The following GRID1 variants were observed in gnomAD, a reference collection of about 807,000 sequenced individuals.
The protein encoded by GRID1 is glutamate ionotropic receptor delta type subunit 1.
In GRID1, 28 loss-of-function variants were observed where a neutral mutation model predicts 98.0. That is an observed-to-expected ratio of 0.29 (90% CI 0.21 to 0.39). The LOEUF (loss-of-function observed/expected upper bound fraction) is 0.39, where lower values mean the gene tolerates loss of function less well. Ranked by LOEUF, GRID1 falls within the 10% of genes least tolerant of loss-of-function variation. GRID1 has a pLI of 1.00. For synonymous variants in GRID1, 553 were observed against 538.5 expected (o/e 1.03, Z -0.37); for missense variants, 1,111 against 1,340.5 (o/e 0.83, Z 2.67).
rs1276502367 is a variant in GRID1 at position 85,728,276 on chromosome 10, G to A, written c.1336-224C>T. ...CAGTAGGTCCATACAGAGGAGTGGA[G>A]ATTCATTTGTCCCGTGTCATCCCAG... On this transcript the variant is annotated intron_variant, in intron 9 of 15. Transcript: ENST00000327946. Among the ~76,000 whole-genome samples the A allele has an allele frequency of 2.0e-5, 3 of 152,162 alleles. No individual in the cohort carries two copies. The South Asian group carries it at 6.2e-4, about 32-fold the overall frequency.
At chr10:85,751,806 A>T (rs1403796717) in intron 8 of GRID1, among the ~76,000 whole-genome samples, 1 of 152,214 alleles carries the variant, frequency 6.6e-6, no homozygotes, top group Non-Finnish European at 1.5e-5. Flanking sequence ...TTTAAAATTT[A>T]ATGCATTTAA....
At chr10:86,104,922 G>C (rs1844358992) in intron 4 of GRID1, among the ~76,000 whole-genome samples, 1 of 152,346 alleles carries the variant, frequency 6.6e-6, no homozygotes, top group Non-Finnish European at 1.5e-5. Context: ...CAGGAAGCCA[G>C]TGAAGCCTGC....
chr10:85,654,944 G>A (rs781230402), intron 12 of GRID1, among the ~76,000 whole-genome samples: 3 of 152,218 alleles, frequency 2.0e-5, no homozygotes, highest in Admixed American at 6.5e-5. Flanking sequence ...CTCAGTAATA[G>A]GAGCTGTGAA....
chr10:85,908,476 C>T (rs1360135330), intron 5 of GRID1, among the ~76,000 whole-genome samples: 1 of 152,082 alleles, frequency 6.6e-6, no homozygotes, highest in Non-Finnish European at 1.5e-5. Flanking sequence ...GGATAAATCT[C>T]ACAAAAATAT....
chr10:86,024,914 TC>T (rs1305285605), intron 4 of GRID1, among the ~76,000 whole-genome samples: 2 of 152,036 alleles, frequency 1.3e-5, no homozygotes, highest in Non-Finnish European at 2.9e-5. Flanking sequence ...AGGCCAGTCA[TC>T]CTAGGATGTC....
intron 11 of GRID1, 54 bp downstream of exon 11, chr10:85,724,296 GAT>G (rs2132651959): frequency 7.2e-7 from 1 of 1,395,802 alleles, no homozygotes; most frequent in East Asian, 2.3e-5. Context: ...TTTGCCAATG[GAT>G]AAGTTCTTCC....
chr10:86,172,536 G>T (rs763921204), intron 3 of GRID1, among the ~76,000 whole-genome samples: 1 of 152,090 alleles, frequency 6.6e-6, no homozygotes, highest in Non-Finnish European at 1.5e-5. Context: ...GCAAAGTACT[G>T]CCCTACTTAA....
intron 2 of GRID1, among the ~76,000 whole-genome samples, chr10:86,301,481 C>T (rs2132081998): frequency 6.6e-6 from 1 of 152,372 alleles, no homozygotes; most frequent in Middle Eastern, 3.4e-3. Context: ...TTCTCTCCAT[C>T]TCTGCCAGCT....
intron 8 of GRID1, among the ~76,000 whole-genome samples, chr10:85,750,753 C>T (rs1842038769): frequency 6.6e-6 from 1 of 152,116 alleles, no homozygotes; most frequent in Non-Finnish European, 1.5e-5. Flanking sequence ...TAGGGAAGGA[C>T]TCCTATAGCT....
chr10:85,874,797 ATC>A (rs1843311851), intron 5 of GRID1, among the ~76,000 whole-genome samples: 1 of 152,130 alleles, frequency 6.6e-6, no homozygotes. Flanking sequence ...TCCATTAAAA[ATC>A]TGTGTATTTC....
chr10:86,139,856 C>A (rs1310352395), intron 3 of GRID1, among the ~76,000 whole-genome samples: 1 of 152,228 alleles, frequency 6.6e-6, no homozygotes, highest in African/African-American at 2.4e-5. Context: ...CACACTGCTA[C>A]AAATCTATCC....
intron 2 of GRID1, among the ~76,000 whole-genome samples, chr10:86,307,997 G>A (rs762204657): frequency 6.6e-6 from 1 of 152,084 alleles, no homozygotes; most frequent in Non-Finnish European, 1.5e-5. Flanking sequence ...GGGGATCCCC[G>A]GAACTTACTC....
At chr10:85,671,028 T>C (rs184918876) in intron 12 of GRID1, among the ~76,000 whole-genome samples, 35 of 152,350 alleles carry the variant, frequency 2.3e-4, no homozygotes, top group African/African-American at 7.9e-4. Context: ...CCCTATGTCC[T>C]ATGAGGACAC....
intron 8 of GRID1, among the ~76,000 whole-genome samples, chr10:85,836,498 C>T (rs1454019354): frequency 6.6e-6 from 1 of 152,196 alleles, no homozygotes; most frequent in Non-Finnish European, 1.5e-5. Context: ...CAAGAAGCAA[C>T]CCACTCTCAC....
chr10:85,821,720 A>G (rs1842774552), intron 8 of GRID1, among the ~76,000 whole-genome samples: 1 of 151,852 alleles, frequency 6.6e-6, no homozygotes, highest in South Asian at 2.1e-4. Flanking sequence ...AATTATTAAA[A>G]TGTGCCAAGT....
intron 4 of GRID1, among the ~76,000 whole-genome samples, chr10:86,108,336 T>C (rs1844424954): frequency 6.6e-6 from 1 of 152,172 alleles, no homozygotes; most frequent in Non-Finnish European, 1.5e-5. Flanking sequence ...AACCCTACCT[T>C]GTGGAATTTA....
intron 2 of GRID1, among the ~76,000 whole-genome samples, chr10:86,244,682 C>A (rs1846693505): frequency 6.6e-6 from 1 of 152,246 alleles, no homozygotes. Flanking sequence ...CGTGGATGGA[C>A]AGACAGAGGG....
At chr10:85,650,501 A>G (rs1054054432) in intron 12 of GRID1, among the ~76,000 whole-genome samples, 14 of 152,204 alleles carry the variant, frequency 9.2e-5, no homozygotes, top group African/African-American at 2.7e-4. Flanking sequence ...CTGAATGTCT[A>G]CTAGGTAAGG....
At chr10:86,003,656 G>C (rs1484116371) in intron 4 of GRID1, among the ~76,000 whole-genome samples, 4 of 152,192 alleles carry the variant, frequency 2.6e-5, no homozygotes, top group African/African-American at 7.2e-5. Flanking sequence ...CCAAATGTGA[G>C]AGCAGCTCTC....
Sources: gnomAD v4.1 joint callset for allele counts (sites outside exome capture counted in the v4.1 genomes callset) on GRCh38, gnomAD v4.1.1 for gene constraint, MANE v1.5 for transcripts, NCBI Gene and HGNC (gene_info 2026-07-23, HGNC 2026-07-21) for gene names.